The following TSPAN18 variants were observed in gnomAD, a reference collection of about 807,000 sequenced individuals.
TSPAN18 encodes the protein tetraspanin-18.
Under a neutral mutation model 27.3 loss-of-function variants are expected in TSPAN18, and 14 were observed. The observed-to-expected ratio is 0.51, with a 90% CI of 0.34 to 0.80. The LOEUF is 0.80. Among genes scored for constraint, TSPAN18 ranks in the 30% least tolerant of loss-of-function variants. TSPAN18 has a pLI of 0.01. For synonymous variants in TSPAN18, 143 were observed against 136.5 expected (o/e 1.05, Z -0.33); for missense variants, 268 against 323.9 (o/e 0.83, Z 1.32).
At chr11:44,751,811 C>T (rs576328706) in intron 1 of TSPAN18, among the ~76,000 whole-genome samples, 1 of 152,054 alleles carries the variant, frequency 6.6e-6, no homozygotes, top group African/African-American at 2.4e-5. Context: ...CCTGTAATCC[C>T]AGCTACTCAG....
At chr11:44,880,223 C>A (rs1040158393) in intron 3 of TSPAN18, among the ~76,000 whole-genome samples, 1 of 152,180 alleles carries the variant, frequency 6.6e-6, no homozygotes, top group African/African-American at 2.4e-5. Flanking sequence ...AAGCTGTAGC[C>A]CCGCCAATGA....
chr11:44,857,804 C>A (rs780463795), intron 2 of TSPAN18, among the ~76,000 whole-genome samples: 1 of 152,196 alleles, frequency 6.6e-6, no homozygotes. Flanking sequence ...ATGACACACA[C>A]GTGCATTTAC....
rs1379507229 is a variant in TSPAN18, at chr11:44,930,827, GTCTGC to G, written c.*1653_*1657del. ...GCAGGGATGGAAGGAGCAGTGTGAT[GTCTGC>G]TCTCTTCTCTCCCCTCTGTCCCTCT... On this transcript the variant is annotated 3_prime_UTR_variant, in exon 10 of 10. Transcript: ENST00000520358. 1 of 489,620 alleles carries G rather than the reference GTCTGC, an allele frequency of 2.0e-6. No homozygotes were observed. Among genetic ancestry groups the G allele is most frequent in the Non-Finnish European group, 4.2e-6 (1 of 237,332 alleles). The allele number at this position is 489,620 out of a possible 1,614,324, so 30.3% of individuals were successfully genotyped here.
At chr11:44,762,090 C>A (rs145490863) in intron 1 of TSPAN18, among the ~76,000 whole-genome samples, 1 of 152,266 alleles carries the variant, frequency 6.6e-6, no homozygotes, top group African/African-American at 2.4e-5. Context: ...TACCCAAAGG[C>A]GGGATGTGGC....
At chr11:44,873,104 G>A (rs992122943) in intron 3 of TSPAN18, among the ~76,000 whole-genome samples, 1 of 152,202 alleles carries the variant, frequency 6.6e-6, no homozygotes. Flanking sequence ...GGGGCTGGAG[G>A]TGACAGTATG....
chr11:44,839,593 CCT>C (rs978902516), intron 2 of TSPAN18, among the ~76,000 whole-genome samples: 4 of 152,152 alleles, frequency 2.6e-5, no homozygotes, highest in East Asian at 1.9e-4. Context: ...CTGCCCTCCC[CCT>C]GTCTGCCCCA....
intron 2 of TSPAN18, among the ~76,000 whole-genome samples, chr11:44,829,128 T>A (rs1975539): frequency 0.53 from 81,207 of 152,146 alleles, 22,655 homozygotes; most frequent in South Asian, 0.68. Flanking sequence ...ATGGTTTCCC[T>A]GATATTTACA....
At chr11:44,897,855 T>A in intron 3 of TSPAN18, 1 of 1,289,378 alleles carries the variant, frequency 7.8e-7, no homozygotes, top group Non-Finnish European at 1.0e-6. Context: ...AGCCTCTCCC[T>A]TCTCAGTGTA....
intron 2 of TSPAN18, among the ~76,000 whole-genome samples, chr11:44,820,206 C>T (rs181421820): frequency 3.0e-4 from 45 of 152,348 alleles, no homozygotes; most frequent in East Asian, 9.6e-4. Flanking sequence ...CTGGTGCCTG[C>T]GCCACACATT....
intron 3 of TSPAN18, among the ~76,000 whole-genome samples, chr11:44,865,284 C>T (rs989805579): frequency 6.6e-6 from 1 of 152,172 alleles, no homozygotes; most frequent in African/African-American, 2.4e-5. Context: ...ATTCTCAACT[C>T]TCATCTAGAA....
At chr11:44,908,769 G>GAAAGAAAGAAAA (rs1554938043) in intron 4 of TSPAN18, among the ~76,000 whole-genome samples, 74 of 71,676 alleles carry the variant, frequency 1.0e-3, no homozygotes, top group African/African-American at 3.7e-3. Flanking sequence ...AGAGAGAAAG[G>GAAAGAAAGAAAA]AGAAAGAAAG....
intron 1 of TSPAN18, among the ~76,000 whole-genome samples, chr11:44,762,944 C>G (rs1160409606): frequency 6.6e-6 from 1 of 152,140 alleles, no homozygotes; most frequent in African/African-American, 2.4e-5. Context: ...AACCACTACA[C>G]TACGGAAACC....
chr11:44,821,519 G>C (rs757550105), intron 2 of TSPAN18, among the ~76,000 whole-genome samples: 6 of 152,182 alleles, frequency 3.9e-5, no homozygotes, highest in Non-Finnish European at 8.8e-5. Context: ...GGCCTCTCTT[G>C]AAGTACATCA....
At chr11:44,825,017 C>A (rs933273514) in intron 2 of TSPAN18, among the ~76,000 whole-genome samples, 4 of 152,120 alleles carry the variant, frequency 2.6e-5, no homozygotes, top group Non-Finnish European at 5.9e-5. Flanking sequence ...GGTCAGACAA[C>A]AATAGGGGCA....
intron 1 of TSPAN18, among the ~76,000 whole-genome samples, chr11:44,756,999 C>T (rs543530074): frequency 6.6e-6 from 1 of 152,260 alleles, no homozygotes; most frequent in Non-Finnish European, 1.5e-5. Flanking sequence ...GTGGGTTTTT[C>T]ATATATGACT....
intron 3 of TSPAN18, among the ~76,000 whole-genome samples, chr11:44,864,843 A>C (rs373023787): frequency 6.6e-6 from 1 of 152,156 alleles, no homozygotes; most frequent in East Asian, 1.9e-4. Context: ...TGTACATGGA[A>C]GGTGCTGGGG....
intron 2 of TSPAN18, among the ~76,000 whole-genome samples, chr11:44,775,061 A>G (rs188147176): frequency 9.2e-5 from 14 of 152,016 alleles, no homozygotes; most frequent in Admixed American, 3.3e-4. Flanking sequence ...GAGGGCCCCT[A>G]CTGTTGGACA....
At position 44,929,733 on chromosome 11, in the gene TSPAN18, C is replaced by G. The variant is rs1399744798; in HGVS notation, c.*555C>G. ...AAGAGTGAGCTGCTAACACGGCATC[C>G]AAGAATGGCCCAGCTGGTAGGATCC... On this transcript the variant is annotated 3_prime_UTR_variant, in exon 10 of 10. Transcript: ENST00000520358. 1.3e-5 allele frequency: 2 copies of G among 153,344 alleles called. No homozygotes were observed. The highest frequency in any genetic ancestry group is 2.9e-5 in the Non-Finnish European group (2 of 68,912). The allele number at this position is 153,344 out of a possible 1,614,324, so 9.5% of individuals were successfully genotyped here.
At chr11:44,820,412 G>C (rs1305282820) in intron 2 of TSPAN18, among the ~76,000 whole-genome samples, 1 of 152,250 alleles carries the variant, frequency 6.6e-6, no homozygotes, top group Non-Finnish European at 1.5e-5. Flanking sequence ...CAAGTGGACA[G>C]GGTCATATGG....
Sources: allele counts gnomAD v4.1 joint callset (sites outside exome capture counted in the v4.1 genomes callset), GRCh38; gene constraint gnomAD v4.1.1; transcripts MANE v1.5; gene names NCBI Gene and HGNC (gene_info 2026-07-23, HGNC 2026-07-21).